The following PHF21A variants were observed in gnomAD, a reference collection of about 807,000 sequenced individuals.
PHF21A encodes the protein PHD finger protein 21A.
A neutral mutation model predicts 82.5 loss-of-function variants in PHF21A; 11 were observed. That is an observed-to-expected ratio of 0.13 (90% CI 0.08 to 0.22). The LOEUF (loss-of-function observed/expected upper bound fraction) is 0.22, where lower values mean the gene tolerates loss of function less well. Ranked by LOEUF, PHF21A falls within the 10% of genes least tolerant of loss-of-function variation. The probability of loss-of-function intolerance (pLI) is 1.00; values close to 1 mark genes in which losing one functional copy is unlikely to be tolerated. For synonymous variants in PHF21A, 297 were observed against 302.8 expected (o/e 0.98, Z 0.20); for missense variants, 579 against 837.8 (o/e 0.69, Z 3.81).
intron 10 of PHF21A, among the ~76,000 whole-genome samples, chr11:45,957,751 C>CAAAAAAAAAAAAAAAAAAGA (rs2092766197): frequency 4.9e-4 from 30 of 60,854 alleles, no homozygotes; most frequent in Non-Finnish European, 6.7e-4. Flanking sequence ...AAATTCAAAG[C>CAAAAAAAAAAAAAAAAAAGA]AAAAAAAAAA....
In PHF21A at chr11:46,024,498, T is replaced by A. The variant is rs78356303; in HGVS notation, c.154-44532A>T. Among the ~76,000 whole-genome samples the A allele has an allele frequency of 3.8e-3, 575 of 152,278 alleles. 5 individuals carry two copies. Among genetic ancestry groups the A allele is most frequent in the African/African-American group, 0.013 (557 of 41,572 alleles). On this transcript the variant is annotated intron_variant, in intron 6 of 18. Transcript: ENST00000676320. ...TTCTATTTTTTCCTCTATACTTTAA[T>A]TAAGACTTAGGGACTTTTGGGCCTG... is the stretch of plus-strand genomic sequence containing the variant.
chr11:45,988,053 G>A (rs2094556857), intron 6 of PHF21A, among the ~76,000 whole-genome samples: 1 of 152,290 alleles, frequency 6.6e-6, no homozygotes, highest in Admixed American at 6.5e-5. Context: ...TAAATTGGAG[G>A]AGGGGAAAGG....
chr11:46,119,771 G>C (rs926955317), intron 1 of PHF21A: 2 of 150,278 alleles, frequency 1.3e-5, no homozygotes, highest in African/African-American at 4.9e-5. Context: ...AATCCTAACA[G>C]CACCGCTCAG....
chr11:46,058,160 TG>T (rs2139393595), intron 6 of PHF21A, among the ~76,000 whole-genome samples: 1 of 152,298 alleles, frequency 6.6e-6, no homozygotes, highest in Non-Finnish European at 1.5e-5. Flanking sequence ...ATTCTACTGC[TG>T]CCTTACCATG....
intron 1 of PHF21A, among the ~76,000 whole-genome samples, chr11:46,095,048 T>C (rs574197924): frequency 2.0e-5 from 3 of 152,324 alleles, no homozygotes; most frequent in Admixed American, 6.5e-5. Context: ...ACGGCTTTAA[T>C]TGGTTTCACA....
intron 6 of PHF21A, among the ~76,000 whole-genome samples, chr11:46,002,170 T>G (rs1019886672): frequency 6.6e-6 from 1 of 152,222 alleles, no homozygotes; most frequent in Non-Finnish European, 1.5e-5. Flanking sequence ...TTAATGTTTT[T>G]AAACACTCCC....
At position 46,076,774 on chromosome 11, in the gene PHF21A, T is replaced by A; in HGVS notation, c.133A>T (p.Thr45Ser). 6.2e-7 allele frequency: 1 copy of A among 1,613,030 alleles called. No homozygotes were observed. Among genetic ancestry groups the A allele is most frequent in the Non-Finnish European group, 8.5e-7 (1 of 1,179,212 alleles). The stretch of plus-strand genomic sequence containing the variant: ...CCTACCTGTTTCTCACTCAAAGCTG[T>A]GATTTTGGCTTGGAGTTCATGAAGC... ...KQLHELQAKITALSEKQKRVV... is the reference protein window; with the variant it reads ...KQLHELQAKISALSEKQKRVV... Residue 45 changes from threonine (T) to serine (S), a missense_variant, in exon 6 of 19, where the codon ACA (threonine) becomes TCA (serine). By Grantham distance (58) the Thr-to-Ser change is moderately conservative. Transcript: ENST00000676320.
chr11:45,979,901 T>A lies in PHF21A; in HGVS notation c.219A>T (p.Gln73His). 6.2e-7 allele frequency: 1 copy of A among 1,614,228 alleles called. No individual in the cohort carries two copies. The highest frequency in any genetic ancestry group is 8.5e-7 in the Non-Finnish European group (1 of 1,180,030). The change falls in exon 7 of 19, where the codon CAA becomes CAT. Residue 73 changes from glutamine to histidine, a missense_variant. Gln to His is a conservative substitution (Grantham distance 24). Coordinates refer to ENST00000676320, the MANE Select transcript of PHF21A (RefSeq NM_001352027.3). ...TTTCAGATTGTGGCAATGGCTGTAT[T>A]TGGAACTTGTCCGGTTGTTCTTGCT... The part of the protein sequence containing the change: ...IVKQEQPDKF[Q>H]IQPLPQSENK...
rs189170898 is a variant in PHF21A at position 46,087,001 on chromosome 11, T to C, written c.-83-2699A>G. Among the ~76,000 whole-genome samples the C allele has an allele frequency of 2.6e-5, 4 of 152,338 alleles. No individual in the cohort carries two copies. In the East Asian group the frequency reaches 5.8e-4, roughly 22 times the overall value. On this transcript the variant is annotated intron_variant, in intron 3 of 18. Transcript: ENST00000676320. ...CAGAAATATAACTAAGATTATATGCTTTGTCTATCAAACTGAAGACCTATA... is the reference window on the plus strand; with the variant it reads ...CAGAAATATAACTAAGATTATATGCCTTGTCTATCAAACTGAAGACCTATA...
chr11:46,008,804 T>G (rs781324104), intron 6 of PHF21A, among the ~76,000 whole-genome samples: 2 of 152,138 alleles, frequency 1.3e-5, no homozygotes, highest in Non-Finnish European at 2.9e-5. Flanking sequence ...AAATGCTATG[T>G]TTGCAACTGT....
intron 3 of PHF21A, among the ~76,000 whole-genome samples, chr11:46,085,237 G>A (rs931074492): frequency 8.5e-5 from 13 of 152,108 alleles, no homozygotes; most frequent in African/African-American, 2.4e-4. Context: ...TGTATCTATC[G>A]TGTGTAATTG....
At chr11:46,036,369 G>A (rs1565660121) in intron 6 of PHF21A, among the ~76,000 whole-genome samples, 2 of 152,226 alleles carry the variant, frequency 1.3e-5, no homozygotes, top group African/African-American at 4.8e-5. Context: ...GGCTAGAAAT[G>A]TAACATTCTC....
intron 8 of PHF21A, chr11:45,970,793 C>A (rs2093697987): frequency 3.6e-6 from 1 of 278,518 alleles, no homozygotes; most frequent in Non-Finnish European, 6.9e-6. Context: ...CAGGAAAACA[C>A]TGTAGAGAGA....
At chr11:45,992,251 A>G (rs2959099) in intron 6 of PHF21A, among the ~76,000 whole-genome samples, 69,810 of 151,802 alleles carry the variant, frequency 0.46, 17,860 homozygotes, top group East Asian at 0.8. Flanking sequence ...AAAATTTTTC[A>G]GCCCGGCATG....
At chr11:46,072,109 A>G (rs1219978802) in intron 6 of PHF21A, among the ~76,000 whole-genome samples, 1 of 152,242 alleles carries the variant, frequency 6.6e-6, no homozygotes, top group Non-Finnish European at 1.5e-5. Flanking sequence ...GAAGACAGAT[A>G]TTTAAAAAAT....
At chr11:45,961,777 T>C (rs2093095712) in intron 10 of PHF21A, among the ~76,000 whole-genome samples, 1 of 152,204 alleles carries the variant, frequency 6.6e-6, no homozygotes, top group African/African-American at 2.4e-5. Context: ...AGCCCCATTT[T>C]AGAGCGCTGG....
chr11:45,973,440 A>T (rs560247776), intron 7 of PHF21A, among the ~76,000 whole-genome samples: 22 of 152,308 alleles, frequency 1.4e-4, no homozygotes, highest in African/African-American at 5.1e-4. Context: ...GCATATACAC[A>T]TATTATCTAA....
At chr11:45,993,329 G>A (rs1197248174) in intron 6 of PHF21A, among the ~76,000 whole-genome samples, 2 of 152,088 alleles carry the variant, frequency 1.3e-5, no homozygotes, top group East Asian at 1.9e-4. Context: ...AGCACTTTAC[G>A]ATTGTAAATT....
chr11:46,089,320 A>G lies in PHF21A; in HGVS notation c.-84+1135T>C, dbSNP rs1364753447. ...TGTAGGTAGATAAAATAATATCTTT[A>G]TTAGCAGTAGTGCTAAAATTACCAT... On this transcript the variant is annotated intron_variant, in intron 3 of 18. Coordinates refer to ENST00000676320, the MANE Select transcript of PHF21A (RefSeq NM_001352027.3). Among the ~76,000 whole-genome samples, 5 of 152,216 alleles carry G rather than the reference A, an allele frequency of 3.3e-5. No homozygotes were observed. In the East Asian group the frequency reaches 9.6e-4, roughly 29 times the overall value.
Sources: gnomAD v4.1 joint callset for allele counts (sites outside exome capture counted in the v4.1 genomes callset) on GRCh38, gnomAD v4.1.1 for gene constraint, MANE v1.5 for transcripts, NCBI Gene and HGNC (gene_info 2026-07-23, HGNC 2026-07-21) for gene names.